The following RPRM variants were observed in gnomAD, a reference collection of about 807,000 sequenced individuals.
RPRM encodes the protein protein reprimo.
Under a neutral mutation model 5.2 loss-of-function variants are expected in RPRM, and 3 were observed. The observed-to-expected ratio is 0.58, with a 90% CI of 0.26 to 1.50. The LOEUF is 1.50. RPRM is among the 40% of genes most tolerant of loss of function. RPRM has a pLI of 0.13. For missense variants in RPRM, 135 were observed against 154.5 expected, an observed-to-expected ratio of 0.87 and a Z score of 0.67; for synonymous variants, 70 against 69.9, an observed-to-expected ratio of 1.00 and a Z score of -0.01.
rs1684196346 is a variant in RPRM at position 153,478,634 on chromosome 2, C to G, written c.-69G>C. On this transcript the variant is annotated 5_prime_UTR_variant, in exon 1 of 1. Transcript: ENST00000325926. ...TGGGAAGGCGGCGGCGCTGGAGGAA[C>G]AGGTGCCGGGCTGAGCGCTCACTCG... 2.3e-6 allele frequency: 3 copies of G among 1,298,208 alleles called. No individual in the cohort carries two copies. The highest frequency in any genetic ancestry group is 1.5e-5 in the South Asian group (1 of 66,320). 80.4% of individuals were successfully genotyped at this position (1,298,208 alleles called of 1,614,324 possible).
chr2:153,478,280 T>C lies in RPRM; in HGVS notation c.286A>G (p.Arg96Gly), dbSNP rs1160061833. Residue 96 changes from arginine to glycine, a missense_variant, in exon 1 of 1, where the codon AGG (arginine) becomes GGG (glycine). Physicochemically the swap from Arg to Gly is moderately radical, Grantham distance 125 (BLOSUM62 -2). Transcript: ENST00000325926. ...GMINFLVKDR[R>G]PSKEVEAVVV... ...ACCGCCTCCACCTCCTTAGACGGCCTCCGGTCCTTCACGAGGAAGTTGATC... is the reference window on the plus strand; with the variant it reads ...ACCGCCTCCACCTCCTTAGACGGCCCCCGGTCCTTCACGAGGAAGTTGATC... 6.2e-7 allele frequency: 1 copy of C among 1,613,990 alleles called. No individual in the cohort carries two copies. The highest frequency in any genetic ancestry group is 1.7e-5 in the Admixed American group (1 of 60,020).
In RPRM at chr2:153,478,558, G is replaced by A. The variant is rs761876326; in HGVS notation, c.8C>T (p.Pro3Leu). 3.2e-6 allele frequency: 5 copies of A among 1,586,640 alleles called. No homozygotes were observed. The Admixed American group carries it at 8.8e-5, about 28-fold the overall frequency. MN[P>L]ALGNQTDVAG... ...CACGTCCGTCTGGTTGCCTAGGGCCGGATTCATCGCAGGAACGGGCGGGCG... is the reference window on the plus strand; with the variant it reads ...CACGTCCGTCTGGTTGCCTAGGGCCAGATTCATCGCAGGAACGGGCGGGCG... The change falls in exon 1 of 1, where the codon CCG (proline) becomes CTG (leucine). Residue 3 changes from proline to leucine, a missense_variant. Coordinates refer to ENST00000325926, the MANE Select transcript of RPRM (RefSeq NM_019845.3).
At position 153,478,075 on chromosome 2, in the gene RPRM, G is replaced by C. The variant is rs1187916598; in HGVS notation, c.*161C>G. The C allele has an allele frequency of 9.5e-6, 6 of 633,974 alleles. No individual in the cohort carries two copies. In the African/African-American group the frequency reaches 1.1e-4, roughly 12 times the overall value. 39.3% of individuals were successfully genotyped at this position (633,974 alleles called of 1,614,324 possible). On this transcript the variant is annotated 3_prime_UTR_variant, in exon 1 of 1. Coordinates refer to ENST00000325926, the MANE Select transcript of RPRM (RefSeq NM_019845.3). ...ACTGCCAGGCATGAGGACTTTCAGA[G>C]GGCGAGGGAGAAACCGGTCGCTTCT...
rs958966148 is a variant in RPRM, at chr2:153,478,574, C to T, written c.-9G>A. ...CCTAGGGCCGGATTCATCGCAGGAA[C>T]GGGCGGGCGCCGCGAGCGGCGCGGG... On this transcript the variant is annotated 5_prime_UTR_variant, in exon 1 of 1. Transcript: ENST00000325926. 5.0e-5 allele frequency: 76 copies of T among 1,519,498 alleles called. No individual in the cohort carries two copies. The highest frequency in any genetic ancestry group is 6.5e-5 in the Non-Finnish European group (74 of 1,132,570). The allele number at this position is 1,519,498 out of a possible 1,614,324, so 94.1% of individuals were successfully genotyped here.
Position 153,478,687 on chromosome 2 carries a change from C to T in RPRM, c.-122G>A. 1 of 818,670 alleles carries T rather than the reference C, an allele frequency of 1.2e-6. No homozygotes were observed. 50.7% of individuals were successfully genotyped at this position (818,670 alleles called of 1,614,324 possible). A position where few individuals can be genotyped will look rare whatever the true frequency, so the allele number is the denominator to read the frequency against. ...GACTAGCGCGTGCGAGGGCTCCTCG[C>T]TCTGCTTTCGAAAGTCCCTGGGCCG... On this transcript the variant is annotated 5_prime_UTR_variant, in exon 1 of 1. Coordinates refer to ENST00000325926, the MANE Select transcript of RPRM (RefSeq NM_019845.3).
In RPRM at chr2:153,478,288, T is replaced by A. The variant is rs1399571932; in HGVS notation, c.278A>T (p.Lys93Met). ...KSEGMINFLV[K>M]DRRPSKEVEA... ...CACCTCCTTAGACGGCCTCCGGTCC[T>A]TCACGAGGAAGTTGATCATGCCCTC... Residue 93 changes from lysine to methionine, a missense_variant, in exon 1 of 1, where the codon AAG (lysine) becomes ATG (methionine). Physicochemically the swap from Lys to Met is moderately conservative, Grantham distance 95. Coordinates refer to ENST00000325926, the MANE Select transcript of RPRM (RefSeq NM_019845.3). The A allele has an allele frequency of 6.2e-7, 1 of 1,614,072 alleles. No individual in the cohort carries two copies. The highest frequency in any genetic ancestry group is 1.1e-5 in the South Asian group (1 of 91,080).
Position 153,478,617 on chromosome 2 carries a change from C to A in RPRM, c.-52G>T. 7.0e-7 allele frequency: 1 copy of A among 1,423,436 alleles called. No individual in the cohort carries two copies. The highest frequency in any genetic ancestry group is 2.4e-5 in the East Asian group (1 of 41,016). The allele number at this position is 1,423,436 out of a possible 1,614,324, so 88.2% of individuals were successfully genotyped here. On this transcript the variant is annotated 5_prime_UTR_variant, in exon 1 of 1. Coordinates refer to ENST00000325926, the MANE Select transcript of RPRM (RefSeq NM_019845.3). Reference sequence around the variant, plus strand: ...GGCGCGGGTCCGAGGGGTGGGAAGGCGGCGGCGCTGGAGGAACAGGTGCCG... The same window carrying A: ...GGCGCGGGTCCGAGGGGTGGGAAGGAGGCGGCGCTGGAGGAACAGGTGCCG...
Position 153,478,271 on chromosome 2 carries a change from T to C in RPRM, c.295A>G (p.Lys99Glu), listed in dbSNP as rs749073781. Residue 99 changes from lysine (K) to glutamate (E), a missense_variant, in exon 1 of 1, where the codon AAG becomes GAG. Transcript: ENST00000325926. ...NFLVKDRRPS[K>E]EVEAVVVGPY is the part of the protein sequence containing the mutation. ...CCCACGACCACCGCCTCCACCTCCT[T>C]AGACGGCCTCCGGTCCTTCACGAGG... 2 of 1,613,888 alleles carry C rather than the reference T, an allele frequency of 1.2e-6. No homozygotes were observed. Among genetic ancestry groups the C allele is most frequent in the Admixed American group, 1.7e-5 (1 of 60,006 alleles).
chr2:153,478,109 G>T lies in RPRM; in HGVS notation c.*127C>A. 5.5e-6 allele frequency: 4 copies of T among 727,092 alleles called. No individual in the cohort carries two copies. Among genetic ancestry groups the T allele is most frequent in the South Asian group, 1.9e-5 (1 of 52,896 alleles). The allele number at this position is 727,092 out of a possible 1,614,324, so 45.0% of individuals were successfully genotyped here. A position where few individuals can be genotyped will look rare whatever the true frequency, so the allele number is the denominator to read the frequency against. ...AGAAACCGGTCGCTTCTTTCCGAAA[G>T]GCCGAAGTCGAGAGAAATAATTGAC... On this transcript the variant is annotated 3_prime_UTR_variant, in exon 1 of 1. Coordinates refer to ENST00000325926, the MANE Select transcript of RPRM (RefSeq NM_019845.3).
chr2:153,478,608 G>C lies in RPRM; in HGVS notation c.-43C>G. ...GCCGCGAGCGGCGCGGGTCCGAGGGGTGGGAAGGCGGCGGCGCTGGAGGAA... is the reference window on the plus strand; with the variant it reads ...GCCGCGAGCGGCGCGGGTCCGAGGGCTGGGAAGGCGGCGGCGCTGGAGGAA... On this transcript the variant is annotated 5_prime_UTR_variant, in exon 1 of 1. Coordinates refer to ENST00000325926, the MANE Select transcript of RPRM (RefSeq NM_019845.3). The C allele has an allele frequency of 6.8e-7, 1 of 1,463,494 alleles. No individual in the cohort carries two copies. Among genetic ancestry groups the C allele is most frequent in the South Asian group, 1.4e-5 (1 of 71,514 alleles). 90.7% of individuals were successfully genotyped at this position (1,463,494 alleles called of 1,614,324 possible). A position where few individuals can be genotyped will look rare whatever the true frequency, so the allele number is the denominator to read the frequency against.
Position 153,478,041 on chromosome 2 carries a change from TCTC to T in RPRM, c.*192_*194del, listed in dbSNP as rs1684183084. 3.4e-6 allele frequency: 2 copies of T among 592,452 alleles called. No homozygotes were observed. The highest frequency in any genetic ancestry group is 4.4e-4 in the Middle Eastern group (1 of 2,262). 36.7% of individuals were successfully genotyped at this position (592,452 alleles called of 1,614,324 possible). A position where few individuals can be genotyped will look rare whatever the true frequency, so the allele number is the denominator to read the frequency against. ...TCTGCTGAGTTCAGAGTCTGGGCGC[TCTC>T]CTCCGACTGCCAGGCATGAGGACTT... is the stretch of plus-strand genomic sequence containing the variant. On this transcript the variant is annotated 3_prime_UTR_variant, in exon 1 of 1. Transcript: ENST00000325926.
In RPRM at chr2:153,478,711, C is replaced by A; in HGVS notation, c.-146G>T. On this transcript the variant is annotated 5_prime_UTR_variant, in exon 1 of 1. Coordinates refer to ENST00000325926, the MANE Select transcript of RPRM (RefSeq NM_019845.3). Reference sequence around the variant, plus strand: ...GCTCTGCTTTCGAAAGTCCCTGGGCCGTGGGAGTTTCCCAGGAGCCTCTCC... The same window carrying A: ...GCTCTGCTTTCGAAAGTCCCTGGGCAGTGGGAGTTTCCCAGGAGCCTCTCC... The A allele has an allele frequency of 1.5e-6, 1 of 686,306 alleles. No individual in the cohort carries two copies. The highest frequency in any genetic ancestry group is 2.4e-6 in the Non-Finnish European group (1 of 410,906). The allele number at this position is 686,306 out of a possible 1,614,324, so 42.5% of individuals were successfully genotyped here.
chr2:153,478,709 G>T lies in RPRM; in HGVS notation c.-144C>A, dbSNP rs1362425077. On this transcript the variant is annotated 5_prime_UTR_variant, in exon 1 of 1. Coordinates refer to ENST00000325926, the MANE Select transcript of RPRM (RefSeq NM_019845.3). ...TCGCTCTGCTTTCGAAAGTCCCTGG[G>T]CCGTGGGAGTTTCCCAGGAGCCTCT... The T allele has an allele frequency of 1.3e-5, 9 of 695,978 alleles. No homozygotes were observed. Among genetic ancestry groups the T allele is most frequent in the Non-Finnish European group, 2.2e-5 (9 of 418,542 alleles). The allele number at this position is 695,978 out of a possible 1,614,324, so 43.1% of individuals were successfully genotyped here. A position where few individuals can be genotyped will look rare whatever the true frequency, so the allele number is the denominator to read the frequency against.
Position 153,478,138 on chromosome 2 carries a change from G to A in RPRM, c.*98C>T. 1.1e-6 allele frequency: 1 copy of A among 903,920 alleles called. No individual in the cohort carries two copies. The highest frequency in any genetic ancestry group is 1.7e-6 in the Non-Finnish European group (1 of 602,618). The allele number at this position is 903,920 out of a possible 1,614,324, so 56.0% of individuals were successfully genotyped here. A position where few individuals can be genotyped will look rare whatever the true frequency, so the allele number is the denominator to read the frequency against. On this transcript the variant is annotated 3_prime_UTR_variant, in exon 1 of 1. Transcript: ENST00000325926. Reference sequence around the variant, plus strand: ...GAAGTCGAGAGAAATAATTGACTCCGACAGGTTTGCTTCGCCCAGTCTCTG... The same window carrying A: ...GAAGTCGAGAGAAATAATTGACTCCAACAGGTTTGCTTCGCCCAGTCTCTG...
Position 153,478,216 on chromosome 2 carries a change from C to T in RPRM, c.*20G>A. ...AAGTGGGCAGGCGTGGGAGCGGTTG[C>T]CGCGGGGGCAGAGGGCGGGTCAGTA... On this transcript the variant is annotated 3_prime_UTR_variant, in exon 1 of 1. Transcript: ENST00000325926. The T allele has an allele frequency of 1.9e-6, 3 of 1,590,842 alleles. No individual in the cohort carries two copies. Among genetic ancestry groups the T allele is most frequent in the Non-Finnish European group, 2.6e-6 (3 of 1,167,228 alleles).
In RPRM at chr2:153,478,335, G is replaced by A. The variant is rs762243264; in HGVS notation, c.231C>T (p.Gly77=). 6.2e-7 allele frequency: 1 copy of A among 1,614,184 alleles called. No individual in the cohort carries two copies. The highest frequency in any genetic ancestry group is 8.5e-7 in the Non-Finnish European group (1 of 1,180,018). The change falls in exon 1 of 1, where the codon GGC becomes GGT. Residue 77 remains glycine (G), a synonymous_variant. Transcript: ENST00000325926. Reference sequence around the variant, plus strand: ...CCTCGGACTTGATGAGCAGATTGCAGCCGAGGAAGAAGATGCCGAAGACCA... The same window carrying A: ...CCTCGGACTTGATGAGCAGATTGCAACCGAGGAAGAAGATGCCGAAGACCA... ...LTVVFGIFFL[G]CNLLIKSEGM... is the part of the protein sequence containing the mutation.
chr2:153,477,633 G>C lies in RPRM; in HGVS notation c.*603C>G, dbSNP rs182899938. On this transcript the variant is annotated 3_prime_UTR_variant, in exon 1 of 1. Transcript: ENST00000325926. Reference sequence around the variant, plus strand: ...TGTAACTCCTCAGGCAGGCAAACAGGCCACTGGGGCAGAAAAAGACTTATC... The same window carrying C: ...TGTAACTCCTCAGGCAGGCAAACAGCCCACTGGGGCAGAAAAAGACTTATC... 4.9e-5 allele frequency: 7 copies of C among 144,294 alleles called. No homozygotes were observed. Among genetic ancestry groups the C allele is most frequent in the African/African-American group, 1.8e-4 (7 of 38,566 alleles). The allele number at this position is 144,294 out of a possible 1,614,324, so 8.9% of individuals were successfully genotyped here.
chr2:153,478,366 A>C lies in RPRM; in HGVS notation c.200T>G (p.Leu67Arg). 1 of 1,613,060 alleles carries C rather than the reference A, an allele frequency of 6.2e-7. No individual in the cohort carries two copies. The highest frequency in any genetic ancestry group is 1.1e-5 in the South Asian group (1 of 90,994). The part of the protein sequence containing the change: ...VQIAVMCVLS[L>R]TVVFGIFFLG... ...GAAGAAGATGCCGAAGACCACGGTG[A>C]GTGAGAGCACGCACATGACCGCGAT... The change falls in exon 1 of 1, where the codon CTC becomes CGC. Residue 67 changes from leucine to arginine, a missense_variant. Transcript: ENST00000325926.
In RPRM at chr2:153,478,754, G is replaced by A; in HGVS notation, c.-189C>T. 1.7e-6 allele frequency: 1 copy of A among 597,278 alleles called. No individual in the cohort carries two copies. 37.0% of individuals were successfully genotyped at this position (597,278 alleles called of 1,614,324 possible). A position where few individuals can be genotyped will look rare whatever the true frequency, so the allele number is the denominator to read the frequency against. ...GCCTCTCCGACGCGCGCAGCAGCTAGGCTCTTCTAAAGCCGTCCGCTCCAG... is the reference window on the plus strand; with the variant it reads ...GCCTCTCCGACGCGCGCAGCAGCTAAGCTCTTCTAAAGCCGTCCGCTCCAG... On this transcript the variant is annotated 5_prime_UTR_variant, in exon 1 of 1. Transcript: ENST00000325926.
Sources: allele counts gnomAD v4.1 joint callset, GRCh38; gene constraint gnomAD v4.1.1; transcripts MANE v1.5; gene names NCBI Gene and HGNC (gene_info 2026-07-23, HGNC 2026-07-21).